SLC45A4: variants seen among roughly 807,000 people sequenced by gnomAD.
The protein encoded by SLC45A4 is polyamine-transporter SLC45A4.
In SLC45A4, 32 loss-of-function variants were observed where a neutral mutation model predicts 63.7. The observed-to-expected ratio is 0.50, with a 90% CI of 0.38 to 0.67. The LOEUF is 0.67. SLC45A4 is among the 30% of genes least tolerant of loss of function. The probability of loss-of-function intolerance (pLI) is 0.00; values close to 1 mark genes in which losing one functional copy is unlikely to be tolerated. For synonymous variants in SLC45A4, 535 were observed against 510.0 expected (o/e 1.05, Z -0.66); for missense variants, 1,027 against 1,157.7 (o/e 0.89, Z 1.64).
chr8:141,232,968 C>T (rs1029720993), intron 2 of SLC45A4, among the ~76,000 whole-genome samples: 7 of 152,242 alleles, frequency 4.6e-5, no homozygotes, highest in Non-Finnish European at 8.8e-5. Context: ...CGTCGCTGAA[C>T]AGGAGTGGAG....
chr8:141,299,036 C>G (rs537922896), intron 1 of SLC45A4, among the ~76,000 whole-genome samples: 1 of 152,042 alleles, frequency 6.6e-6, no homozygotes, highest in Non-Finnish European at 1.5e-5. Flanking sequence ...GCTGGGCGCC[C>G]GGCACGGATG....
At chr8:141,221,817 C>G in intron 2 of SLC45A4, 52 bp from the exon 3 acceptor site, 1 of 1,583,382 alleles carries the variant, frequency 6.3e-7, no homozygotes, top group Non-Finnish European at 8.6e-7. Context: ...CGGGCTCTGC[C>G]ACAGTTTTCC....
chr8:141,217,000 A>G, intron 6 of SLC45A4, 90 bp downstream of exon 6: 1 of 1,331,056 alleles, frequency 7.5e-7, no homozygotes, highest in Non-Finnish European at 1.1e-6. Flanking sequence ...TGATGGCCCC[A>G]GCTTCTAAGG....
intron 2 of SLC45A4, chr8:141,224,179 TGAAC>T (rs1826836468): frequency 6.6e-6 from 1 of 152,254 alleles, no homozygotes; most frequent in Non-Finnish European, 1.5e-5. Flanking sequence ...CACTGTGTCC[TGAAC>T]CCCATGGTTT....
At chr8:141,221,427 G>A (rs1826622706) in intron 3 of SLC45A4, 150 bp downstream of exon 3, 1 of 969,252 alleles carries the variant, frequency 1.0e-6, no homozygotes, top group African/African-American at 1.6e-5. Context: ...GCCAGGGGTG[G>A]TCACCGCCAG....
intron 2 of SLC45A4, among the ~76,000 whole-genome samples, chr8:141,234,586 G>A (rs918854601): frequency 2.0e-5 from 3 of 152,226 alleles, no homozygotes; most frequent in Admixed American, 6.5e-5. Context: ...TCCAGAGGTG[G>A]GCAGGGAGTG....
chr8:141,235,365 T>C (rs10875468), intron 2 of SLC45A4, among the ~76,000 whole-genome samples: 129,928 of 152,124 alleles, frequency 0.85, 56,033 homozygotes, highest in East Asian at 1. Context: ...GGTGTGTCTG[T>C]AGAGTGCACT....
At chr8:141,307,570 G>A (rs561738137) in intron 1 of SLC45A4, among the ~76,000 whole-genome samples, 1 of 152,062 alleles carries the variant, frequency 6.6e-6, no homozygotes, top group Non-Finnish European at 1.5e-5. Flanking sequence ...TGTTCGGTTG[G>A]GAGGACCGGT....
Position 141,209,389 on chromosome 8 carries a change from A to C in SLC45A4, c.*2183T>G, listed in dbSNP as rs1473228462. 6.6e-6 allele frequency: 1 copy of C among 152,182 alleles called. No homozygotes were observed. The highest frequency in any genetic ancestry group is 1.5e-5 in the Non-Finnish European group (1 of 68,082). The allele number at this position is 152,182 out of a possible 1,614,324, so 9.4% of individuals were successfully genotyped here. A position where few individuals can be genotyped will look rare whatever the true frequency, so the allele number is the denominator to read the frequency against. ...TCTGGAAATAATCTCAGTGCAGGGG[A>C]GGGGTTGAGGCCAAAGATGTCGTGA... is the stretch of plus-strand genomic sequence containing the variant. On this transcript the variant is annotated 3_prime_UTR_variant, in exon 9 of 9. Coordinates refer to ENST00000517878, the MANE Select transcript of SLC45A4 (RefSeq NM_001286646.2).
intron 1 of SLC45A4, among the ~76,000 whole-genome samples, chr8:141,307,673 A>G (rs973593487): frequency 5.9e-5 from 9 of 152,208 alleles, no homozygotes; most frequent in Admixed American, 3.3e-4. Flanking sequence ...TTAGAAGGAC[A>G]AGACAGGGTC....
At chr8:141,294,317 C>T (rs151250992) in intron 1 of SLC45A4, among the ~76,000 whole-genome samples, 8 of 152,342 alleles carry the variant, frequency 5.3e-5, no homozygotes, top group African/African-American at 1.4e-4. Flanking sequence ...ATGAACAAGC[C>T]GCATCGGGAG....
At chr8:141,238,886 G>A (rs1008483795) in intron 2 of SLC45A4, among the ~76,000 whole-genome samples, 3 of 152,200 alleles carry the variant, frequency 2.0e-5, no homozygotes, top group African/African-American at 7.2e-5. Flanking sequence ...TGAAAGCCCA[G>A]ACTGTGGGAG....
chr8:141,259,262 G>A (rs1828948088), intron 1 of SLC45A4, among the ~76,000 whole-genome samples: 1 of 152,236 alleles, frequency 6.6e-6, no homozygotes, highest in Non-Finnish European at 1.5e-5. Flanking sequence ...TGCTCAGCAG[G>A]CTGAGGGGCC....
rs574169039 is a variant in SLC45A4 at position 141,211,350 on chromosome 8, C to T, written c.*222G>A. 52 of 1,395,746 alleles carry T rather than the reference C, an allele frequency of 3.7e-5. No homozygotes were observed. The highest frequency in any genetic ancestry group is 1.5e-4 in the Admixed American group (6 of 40,146). The allele number at this position is 1,395,746 out of a possible 1,614,324, so 86.5% of individuals were successfully genotyped here. On this transcript the variant is annotated 3_prime_UTR_variant, in exon 9 of 9. Transcript: ENST00000517878. ...GGCTGGGCGCAGACACACTCACACG[C>T]GCACGCAGGAGCTCGTCTGGAGCTC...
At chr8:141,262,533 C>A in intron 1 of SLC45A4, among the ~76,000 whole-genome samples, 1 of 151,506 alleles carries the variant, frequency 6.6e-6, no homozygotes, top group Non-Finnish European at 1.5e-5. Flanking sequence ...AAAAAAACAA[C>A]CCCATCAAAA....
intron 2 of SLC45A4, among the ~76,000 whole-genome samples, chr8:141,242,732 G>C (rs1343179988): frequency 6.6e-6 from 1 of 152,202 alleles, no homozygotes; most frequent in Non-Finnish European, 1.5e-5. Context: ...GCTGGGAAGA[G>C]AGCCGGCAGA....
intron 1 of SLC45A4, among the ~76,000 whole-genome samples, chr8:141,271,261 C>G (rs916849572): frequency 2.0e-5 from 3 of 152,206 alleles, no homozygotes; most frequent in Admixed American, 2.0e-4. Context: ...CTGTAGGATG[C>G]TGGTGGCAAG....
intron 1 of SLC45A4, among the ~76,000 whole-genome samples, chr8:141,285,833 G>T (rs1373868861): frequency 2.0e-5 from 3 of 152,206 alleles, no homozygotes; most frequent in Non-Finnish European, 4.4e-5. Context: ...GCATCCTAAA[G>T]ATGTGAGATC....
chr8:141,211,974 G>C, intron 8 of SLC45A4: 1 of 1,280,976 alleles, frequency 7.8e-7, no homozygotes, highest in East Asian at 3.0e-5. Context: ...TTTAATTATC[G>C]AAAAAGTGGT....
Sources: gnomAD v4.1 joint callset for allele counts (sites outside exome capture counted in the v4.1 genomes callset) on GRCh38, gnomAD v4.1.1 for gene constraint, MANE v1.5 for transcripts, NCBI Gene and HGNC (gene_info 2026-07-23, HGNC 2026-07-21) for gene names.